PTPRT: variants seen among roughly 807,000 people sequenced by gnomAD.
The protein encoded by PTPRT is receptor-type tyrosine-protein phosphatase T.
In PTPRT, 56 loss-of-function variants were observed where a neutral mutation model predicts 176.8. The ratio of observed to expected loss-of-function variants is 0.32; its 90% CI spans 0.26 to 0.40. The LOEUF is 0.40. Ranked by LOEUF, PTPRT falls within the 10% of genes least tolerant of loss-of-function variation. The probability of loss-of-function intolerance (pLI) is 1.00; values close to 1 mark genes in which losing one functional copy is unlikely to be tolerated. For missense variants in PTPRT, 1,540 were observed against 1,908.2 expected (o/e 0.81, Z 3.60); for synonymous variants, 783 against 739.0 (o/e 1.06, Z -0.96).
chr20:43,038,234 G>A (rs909160457), intron 1 of PTPRT, among the ~76,000 whole-genome samples: 1 of 150,806 alleles, frequency 6.6e-6, no homozygotes, highest in Non-Finnish European at 1.5e-5. Flanking sequence ...AACACATTTC[G>A]CCCAAAGGGT....
intron 6 of PTPRT, among the ~76,000 whole-genome samples, chr20:42,716,437 G>T (rs4341998): frequency 6.6e-6 from 1 of 152,006 alleles, no homozygotes; most frequent in Non-Finnish European, 1.5e-5. Flanking sequence ...TTTAATGATC[G>T]CCATTCCAAC....
intron 1 of PTPRT, among the ~76,000 whole-genome samples, chr20:42,954,146 T>C (rs1033530239): frequency 5.9e-5 from 9 of 152,132 alleles, no homozygotes; most frequent in African/African-American, 2.2e-4. Context: ...CTGCCAGAGT[T>C]GACTGGTCTC....
At chr20:42,667,090 C>T (rs2075329751) in intron 7 of PTPRT, among the ~76,000 whole-genome samples, 1 of 152,136 alleles carries the variant, frequency 6.6e-6, no homozygotes, top group African/African-American at 2.4e-5. Flanking sequence ...TTTTGGCCTA[C>T]TAATATGAGG....
chr20:42,825,373 C>T (rs208235), intron 2 of PTPRT, among the ~76,000 whole-genome samples: 97,212 of 151,798 alleles, frequency 0.64, 31,236 homozygotes, highest in Middle Eastern at 0.72. Flanking sequence ...AGTAATAATA[C>T]GGCAATATGA....
chr20:42,072,603 T>C (rs527341295), downstream of PTPRT: 12 of 174,328 alleles, frequency 6.9e-5, no homozygotes, highest in South Asian at 2.4e-3. Flanking sequence ...GCCTCAACTT[T>C]TTCGTCTGCA....
At chr20:42,707,807 G>A (rs1408058296) in intron 6 of PTPRT, among the ~76,000 whole-genome samples, 1 of 152,144 alleles carries the variant, frequency 6.6e-6, no homozygotes, top group Non-Finnish European at 1.5e-5. Context: ...AACACAATGA[G>A]CTTGAAGCAG....
intron 1 of PTPRT, among the ~76,000 whole-genome samples, chr20:43,163,317 G>A (rs1189048273): frequency 1.3e-5 from 2 of 152,066 alleles, no homozygotes; most frequent in African/African-American, 2.4e-5. Flanking sequence ...AAGTGTTCAC[G>A]TGGTCCACGC....
At chr20:42,756,657 G>A (rs780728275) in intron 5 of PTPRT, 21 bp from the exon 6 acceptor site, 2 of 1,538,120 alleles carry the variant, frequency 1.3e-6, no homozygotes, top group Admixed American at 1.9e-5. Flanking sequence ...GAGGAAGAGA[G>A]GGAGAGGAGG....
At chr20:42,181,273 G>C (rs1431913627) in intron 16 of PTPRT, among the ~76,000 whole-genome samples, 1 of 152,200 alleles carries the variant, frequency 6.6e-6, no homozygotes, top group Non-Finnish European at 1.5e-5. Context: ...CCCTCTGGAG[G>C]AGAGAGGGGA....
chr20:42,278,503 T>C (rs1394976193), intron 13 of PTPRT, among the ~76,000 whole-genome samples: 1 of 151,616 alleles, frequency 6.6e-6, no homozygotes, highest in Admixed American at 6.6e-5. Context: ...GCAAGGCCTG[T>C]GGGTAAGGAA....
chr20:42,086,915 C>A (rs2143005), intron 27 of PTPRT, among the ~76,000 whole-genome samples: 1 of 150,322 alleles, frequency 6.7e-6, no homozygotes, highest in Non-Finnish European at 1.5e-5. Flanking sequence ...GCTGACAGAT[C>A]TTGCCTATGA....
intron 15 of PTPRT, among the ~76,000 whole-genome samples, chr20:42,210,221 T>C (rs368856119): frequency 8.5e-5 from 13 of 152,214 alleles, no homozygotes; most frequent in South Asian, 4.2e-4. Context: ...GGAAGCATTC[T>C]CTTTGAAAAC....
chr20:43,154,728 G>A (rs764207210), intron 1 of PTPRT, among the ~76,000 whole-genome samples: 1 of 152,140 alleles, frequency 6.6e-6, no homozygotes, highest in Admixed American at 6.6e-5. Flanking sequence ...AAAAGCTTCT[G>A]CATGGCAAAG....
chr20:43,003,170 T>C (rs1009638065), intron 1 of PTPRT, among the ~76,000 whole-genome samples: 4 of 152,056 alleles, frequency 2.6e-5, no homozygotes, highest in Non-Finnish European at 4.4e-5. Context: ...GTAATTCTTG[T>C]GTCTTTATTT....
chr20:42,435,355 C>T lies in PTPRT; in HGVS notation c.1560+12865G>A, dbSNP rs149640491. Among the ~76,000 whole-genome samples, 983 of 152,314 alleles carry T rather than the reference C, an allele frequency of 6.5e-3. 8 individuals carry two copies. Among genetic ancestry groups the T allele is most frequent in the African/African-American group, 0.022 (914 of 41,572 alleles). On this transcript the variant is annotated intron_variant, in intron 9 of 30. Coordinates refer to ENST00000373187, the MANE Select transcript of PTPRT (RefSeq NM_007050.6). ...CAGTGGTGAGTGGGCAAAGCCCTAC[C>T]TGAAGGCTATTAGGCAGGGCCCTTC... is the stretch of plus-strand genomic sequence containing the variant.
chr20:43,183,608 C>A (rs1480168006), intron 1 of PTPRT, among the ~76,000 whole-genome samples: 1 of 152,230 alleles, frequency 6.6e-6, no homozygotes, highest in Non-Finnish European at 1.5e-5. Context: ...ACCATCACCA[C>A]CTTCCAGTTT....
intron 9 of PTPRT, among the ~76,000 whole-genome samples, chr20:42,399,891 T>C (rs937691696): frequency 6.6e-6 from 1 of 152,246 alleles, no homozygotes; most frequent in South Asian, 2.1e-4. Flanking sequence ...ATCTGACTTA[T>C]AAGATGACTT....
chr20:42,856,806 A>T (rs2078571514), intron 2 of PTPRT, among the ~76,000 whole-genome samples: 1 of 152,156 alleles, frequency 6.6e-6, no homozygotes, highest in Non-Finnish European at 1.5e-5. Flanking sequence ...TATAGCTTAG[A>T]CCCCAACCTG....
At chr20:42,677,818 A>C (rs769944622) in intron 7 of PTPRT, 48 bp downstream of exon 7, 37 of 1,570,464 alleles carry the variant, frequency 2.4e-5, no homozygotes, top group Non-Finnish European at 3.1e-5. Context: ...CAGTCTTGGC[A>C]ATAGCACAGC....
Sources: gnomAD v4.1 joint callset for allele counts (sites outside exome capture counted in the v4.1 genomes callset) on GRCh38, gnomAD v4.1.1 for gene constraint, MANE v1.5 for transcripts, NCBI Gene and HGNC (gene_info 2026-07-23, HGNC 2026-07-21) for gene names.